Variants in PLSCR2 observed in about 807,000 individuals in gnomAD.
PLSCR2 encodes phospholipid scramblase 2, also known as PL scramblase 2.
In PLSCR2, 18 loss-of-function variants were observed where a neutral mutation model predicts 25.3. The observed-to-expected ratio is 0.71, with a 90% confidence interval of 0.49 to 1.06. The LOEUF (loss-of-function observed/expected upper bound fraction) is 1.06, where lower values mean the gene tolerates loss of function less well. PLSCR2 is among the 50% of genes least tolerant of loss of function. The pLI, the probability that PLSCR2 is intolerant of heterozygous loss-of-function variation, is 0.00. For missense variants in PLSCR2, 243 were observed against 269.5 expected (o/e 0.90, Z 0.69); for synonymous variants, 88 against 87.3 (o/e 1.01, Z -0.04).
intron 1 of PLSCR2, among the ~76,000 whole-genome samples, chr3:146,480,490 G>A (rs1401160822): frequency 6.6e-6 from 1 of 152,148 alleles, no homozygotes; most frequent in East Asian, 1.9e-4. Context: ...AAATCTAGAA[G>A]AAATGGATAA....
At chr3:146,442,488 A>G (rs570630824) in intron 6 of PLSCR2, among the ~76,000 whole-genome samples, 1 of 152,190 alleles carries the variant, frequency 6.6e-6, no homozygotes, top group African/African-American at 2.4e-5. Flanking sequence ...ATCACAAAAG[A>G]CCCCAAATAG....
At chr3:146,459,567 C>G (rs997554788) in intron 2 of PLSCR2, among the ~76,000 whole-genome samples, 8 of 152,062 alleles carry the variant, frequency 5.3e-5, no homozygotes, top group Non-Finnish European at 1.0e-4. Flanking sequence ...AGAACAAAAC[C>G]TAGAAAATAG....
intron 3 of PLSCR2, among the ~76,000 whole-genome samples, chr3:146,393,413 T>G (rs2038164080): frequency 6.6e-6 from 1 of 152,148 alleles, no homozygotes; most frequent in South Asian, 2.1e-4. Flanking sequence ...GTCTAAATGA[T>G]AATGATTCTC....
intron 5 of PLSCR2, among the ~76,000 whole-genome samples, chr3:146,451,180 T>C (rs1292179462): frequency 1.4e-5 from 2 of 145,020 alleles, no homozygotes; most frequent in African/African-American, 5.1e-5. Flanking sequence ...AACGGCGCGA[T>C]CTCCGCTCAC....
upstream of PLSCR2, among the ~76,000 whole-genome samples, chr3:146,464,809 A>G (rs1022459117): frequency 3.9e-5 from 6 of 152,168 alleles, no homozygotes; most frequent in African/African-American, 1.4e-4. Flanking sequence ...GCTCTGGACT[A>G]TTTGATAATT....
intron 3 of PLSCR2, among the ~76,000 whole-genome samples, chr3:146,392,995 T>C (rs767872483): frequency 1.3e-5 from 2 of 151,300 alleles, no homozygotes; most frequent in Non-Finnish European, 2.9e-5. Flanking sequence ...TTGTTACGGC[T>C]TTTTAAAAAA....
chr3:146,424,592 T>C (rs1188393371), intron 2 of PLSCR2, among the ~76,000 whole-genome samples: 1 of 152,138 alleles, frequency 6.6e-6, no homozygotes, highest in Non-Finnish European at 1.5e-5. Context: ...GCTTTTCTGC[T>C]GTTTTGCTTT....
At chr3:146,489,779 G>A (rs891392732) in intron 1 of PLSCR2, among the ~76,000 whole-genome samples, 21 of 152,060 alleles carry the variant, frequency 1.4e-4, no homozygotes, top group African/African-American at 5.1e-4. Flanking sequence ...CACCCAGATG[G>A]TGTGGAATAA....
intron 1 of PLSCR2, among the ~76,000 whole-genome samples, chr3:146,488,149 C>A (rs1049406146): frequency 4.6e-5 from 7 of 151,892 alleles, no homozygotes; most frequent in African/African-American, 1.7e-4. Flanking sequence ...GAAATTGGAC[C>A]CCTTCCTTAT....
At chr3:146,393,670 G>A (rs1160863684) in intron 3 of PLSCR2, among the ~76,000 whole-genome samples, 2 of 151,746 alleles carry the variant, frequency 1.3e-5, no homozygotes, top group African/African-American at 4.8e-5. Flanking sequence ...TTAGCTGGGC[G>A]TGGTGGCATG....
At chr3:146,441,362 T>C (rs957099372), downstream of PLSCR2, among the ~76,000 whole-genome samples, 4 of 151,978 alleles carry the variant, frequency 2.6e-5, no homozygotes, top group African/African-American at 9.7e-5. Context: ...AATTTTTACA[T>C]AAAATAAATT....
At chr3:146,471,857 C>T (rs1304758611) in intron 1 of PLSCR2, among the ~76,000 whole-genome samples, 1 of 152,166 alleles carries the variant, frequency 6.6e-6, no homozygotes, top group Non-Finnish European at 1.5e-5. Context: ...AGCCACCATG[C>T]CCGGCCAAGA....
intron 1 of PLSCR2, among the ~76,000 whole-genome samples, chr3:146,492,740 T>A (rs984945910): frequency 1.7e-4 from 25 of 150,302 alleles, no homozygotes; most frequent in South Asian, 1.0e-3. Context: ...GGAGGAATTT[T>A]AAAAAAAAAG....
intron 1 of PLSCR2, among the ~76,000 whole-genome samples, chr3:146,487,633 C>T (rs183757994): frequency 6.6e-6 from 1 of 152,160 alleles, no homozygotes; most frequent in East Asian, 1.9e-4. Flanking sequence ...AGGACATCTT[C>T]AAGAAGAACT....
intron 3 of PLSCR2, chr3:146,391,682 A>T (rs2038087171): frequency 6.6e-6 from 1 of 152,606 alleles, no homozygotes; most frequent in Admixed American, 6.5e-5. Flanking sequence ...ATCACAAAAC[A>T]TATTAAAAAG....
At chr3:146,477,272 A>G (rs2042321863) in intron 1 of PLSCR2, among the ~76,000 whole-genome samples, 1 of 152,208 alleles carries the variant, frequency 6.6e-6, no homozygotes, top group African/African-American at 2.4e-5. Flanking sequence ...GACCCAAAGC[A>G]GGGCAGAGCG....
At position 146,459,985 on chromosome 3, in the gene PLSCR2, G is replaced by A. The variant is rs1303961750; in HGVS notation, c.-81C>T. 3 of 1,613,450 alleles carry A rather than the reference G, an allele frequency of 1.9e-6. No homozygotes were observed. The highest frequency in any genetic ancestry group is 2.7e-5 in the African/African-American group (2 of 74,930). The stretch of plus-strand genomic sequence containing the variant: ...CCAGCAGGTGGGACTAGGTAGTCAT[G>A]CTGACGTCCTGGGTAGAAGGCCTGG... On this transcript the variant is annotated 5_prime_UTR_variant, in exon 2 of 7. Transcript: ENST00000610787.
At chr3:146,406,925 G>T (rs1385817703) in intron 2 of PLSCR2, among the ~76,000 whole-genome samples, 6 of 152,162 alleles carry the variant, frequency 3.9e-5, no homozygotes, top group African/African-American at 1.4e-4. Flanking sequence ...TCTTGTACCT[G>T]TTGGGGAGAC....
chr3:146,441,211 G>A (rs149322960), downstream of PLSCR2, among the ~76,000 whole-genome samples: 229 of 152,108 alleles, frequency 1.5e-3, no homozygotes, highest in African/African-American at 5.3e-3. Context: ...GGGTGACAGA[G>A]CTAGACTCCA....
Sources: gnomAD v4.1 joint callset for allele counts (sites outside exome capture counted in the v4.1 genomes callset) on GRCh38, gnomAD v4.1.1 for gene constraint, MANE v1.5 for transcripts, NCBI Gene and HGNC (gene_info 2026-07-23, HGNC 2026-07-21) for gene names.